The following PAFAH1B1 variants were observed in gnomAD, a reference collection of about 807,000 sequenced individuals.
PAFAH1B1 encodes platelet activating factor acetylhydrolase 1b regulatory subunit 1, also known as platelet-activating factor acetylhydrolase IB subunit beta.
In PAFAH1B1, 2 loss-of-function variants were observed where a neutral mutation model predicts 57.5. The observed-to-expected ratio is 0.03, with a 90% CI of 0.01 to 0.11. The LOEUF is 0.11. Ranked by LOEUF, PAFAH1B1 falls within the 10% of genes least tolerant of loss-of-function variation. The pLI, the probability that PAFAH1B1 is intolerant of heterozygous loss-of-function variation, is 1.00. For synonymous variants in PAFAH1B1, 152 were observed against 169.6 expected (o/e 0.90, Z 0.81); for missense variants, 257 against 512.0 (o/e 0.50, Z 4.81).
At chr17:2,666,929 TA>T in intron 4 of PAFAH1B1, 62 bp from the exon 5 acceptor site, 2 of 1,328,834 alleles carry the variant, frequency 1.5e-6, no homozygotes, top group Non-Finnish European at 1.1e-6. Flanking sequence ...GGCAGTTTTT[TA>T]AAATGTCACA....
At chr17:2,626,265 A>T (rs891064059) in intron 1 of PAFAH1B1, among the ~76,000 whole-genome samples, 1 of 151,958 alleles carries the variant, frequency 6.6e-6, no homozygotes, top group Non-Finnish European at 1.5e-5. Flanking sequence ...AAAAAAAAAA[A>T]TTATTTCTGT....
chr17:2,655,922 C>A (rs913839707), intron 2 of PAFAH1B1, among the ~76,000 whole-genome samples: 2 of 151,894 alleles, frequency 1.3e-5, no homozygotes, highest in Non-Finnish European at 2.9e-5. Context: ...AGGTGGTTTT[C>A]GTTTTGTTTT....
intron 2 of PAFAH1B1, chr17:2,640,380 T>G (rs1337175456): frequency 6.6e-6 from 1 of 151,496 alleles, no homozygotes; most frequent in Non-Finnish European, 1.5e-5. Flanking sequence ...TTTGTCTTTT[T>G]TTTTTTTTTT....
intron 1 of PAFAH1B1, among the ~76,000 whole-genome samples, chr17:2,605,607 A>G (rs1176316154): frequency 6.6e-6 from 1 of 151,650 alleles, no homozygotes; most frequent in Non-Finnish European, 1.5e-5. Context: ...TGCTGCTTTG[A>G]CTCCCTGCCG....
intron 9 of PAFAH1B1, among the ~76,000 whole-genome samples, chr17:2,679,327 T>C (rs952680125): frequency 6.6e-6 from 1 of 152,188 alleles, no homozygotes; most frequent in East Asian, 1.9e-4. Flanking sequence ...AGGGGAAATA[T>C]GGATGGATAG....
chr17:2,600,822 T>G (rs770445739), intron 1 of PAFAH1B1, among the ~76,000 whole-genome samples: 173 of 152,064 alleles, frequency 1.1e-3, no homozygotes, highest in Middle Eastern at 3.4e-3. Flanking sequence ...CTCCGCCTCC[T>G]GGGTTCAAGC....
chr17:2,613,400 A>G (rs543012292), intron 1 of PAFAH1B1: 54 of 242,084 alleles, frequency 2.2e-4, no homozygotes, highest in African/African-American at 1.1e-3. Flanking sequence ...GGTGGCTGTC[A>G]TGGGGGACAA....
chr17:2,593,615 G>GGCGGCGGCGGCA (rs1274231377), upstream of PAFAH1B1: 9 of 222,408 alleles, frequency 4.0e-5, no homozygotes, highest in Non-Finnish European at 7.8e-5. Context: ...CGGCGGCGGC[G>GGCGGCGGCGGCA]GCGCGGTGAC....
intron 1 of PAFAH1B1, among the ~76,000 whole-genome samples, chr17:2,617,934 AC>A (rs1485211190): frequency 6.6e-6 from 1 of 150,488 alleles, no homozygotes. Context: ...GCATCAAAAA[AC>A]GTCTCGGTAT....
intron 5 of PAFAH1B1, among the ~76,000 whole-genome samples, chr17:2,669,645 G>C (rs1010769089): frequency 1.3e-5 from 2 of 151,972 alleles, no homozygotes; most frequent in Admixed American, 1.3e-4. Flanking sequence ...TCTTTCCTTG[G>C]CCCTTTAGAT....
chr17:2,625,682 T>C (rs1419162888), intron 1 of PAFAH1B1, among the ~76,000 whole-genome samples: 1 of 152,166 alleles, frequency 6.6e-6, no homozygotes, highest in Non-Finnish European at 1.5e-5. Flanking sequence ...TCTCAGCACT[T>C]TGGGTGGCCG....
chr17:2,629,159 C>G (rs1318838835), intron 1 of PAFAH1B1, among the ~76,000 whole-genome samples: 2 of 152,008 alleles, frequency 1.3e-5, no homozygotes, highest in South Asian at 4.2e-4. Flanking sequence ...GTTTGTTCCT[C>G]TTTCTCTAGT....
chr17:2,660,460 G>C (rs1298499299), intron 2 of PAFAH1B1, among the ~76,000 whole-genome samples: 1 of 151,996 alleles, frequency 6.6e-6, no homozygotes, highest in East Asian at 1.9e-4. Context: ...TGGTCCATGT[G>C]TTCTCATTGT....
intron 1 of PAFAH1B1, among the ~76,000 whole-genome samples, chr17:2,603,861 C>T (rs1210094913): frequency 6.6e-6 from 1 of 151,822 alleles, no homozygotes; most frequent in Non-Finnish European, 1.5e-5. Context: ...CCTCAGCCTC[C>T]TGAGTAGCTG....
intron 5 of PAFAH1B1, among the ~76,000 whole-genome samples, chr17:2,669,101 A>C (rs1192066677): frequency 2.0e-5 from 3 of 152,172 alleles, no homozygotes; most frequent in African/African-American, 7.2e-5. Flanking sequence ...ATATCAATTT[A>C]ATAGAGTATA....
intron 1 of PAFAH1B1, among the ~76,000 whole-genome samples, chr17:2,608,851 T>C (rs2068234893): frequency 6.6e-6 from 1 of 152,258 alleles, no homozygotes; most frequent in Non-Finnish European, 1.5e-5. Flanking sequence ...ATATTTATGC[T>C]TCGAGCTGAA....
intron 9 of PAFAH1B1, among the ~76,000 whole-genome samples, chr17:2,677,333 T>TG (rs1452718345): frequency 6.6e-6 from 1 of 152,242 alleles, no homozygotes; most frequent in Non-Finnish European, 1.5e-5. Context: ...TAGGAGCATC[T>TG]GTATTTCCAT....
intron 1 of PAFAH1B1, among the ~76,000 whole-genome samples, chr17:2,610,678 G>T (rs2068258055): frequency 6.6e-6 from 1 of 152,224 alleles, no homozygotes; most frequent in Admixed American, 6.5e-5. Flanking sequence ...TTACGAATTT[G>T]TGTTGGGCCA....
chr17:2,664,665 G>GCTCGCGCTCTCTCT (rs1555526142), intron 2 of PAFAH1B1, among the ~76,000 whole-genome samples: 8 of 86,028 alleles, frequency 9.3e-5, no homozygotes, highest in African/African-American at 3.1e-4. Flanking sequence ...TCTATCTATC[G>GCTCGCGCTCTCTCT]CTCTCTCTCT....
Sources: gnomAD v4.1 joint callset for allele counts (sites outside exome capture counted in the v4.1 genomes callset) on GRCh38, gnomAD v4.1.1 for gene constraint, MANE v1.5 for transcripts, NCBI Gene and HGNC (gene_info 2026-07-23, HGNC 2026-07-21) for gene names.